TRIL: variants seen among roughly 807,000 people sequenced by gnomAD.
TRIL encodes the protein TLR4 interactor with leucine rich repeats.
Under a neutral mutation model 43.0 loss-of-function variants are expected in TRIL, and 23 were observed. That is an observed-to-expected ratio of 0.54 (90% confidence interval 0.39 to 0.76). The LOEUF is 0.76. Among genes scored for constraint, TRIL ranks in the 30% least tolerant of loss-of-function variants. The pLI, the probability that TRIL is intolerant of heterozygous loss-of-function variation, is 0.00. For missense variants in TRIL, 1,114 were observed against 1,139.3 expected (o/e 0.98, Z 0.32); for synonymous variants, 602 against 556.8 (o/e 1.08, Z -1.14).
At position 28,956,048 on chromosome 7, in the gene TRIL, C is replaced by T. The variant is rs1783395477; in HGVS notation, c.1999G>A (p.Gly667Ser). The change falls in exon 1 of 1, where the codon GGC becomes AGC. Residue 667 changes from glycine to serine, a missense_variant. Gly to Ser is a moderately conservative substitution (Grantham distance 56). Coordinates refer to ENST00000539664, the MANE Select transcript of TRIL (RefSeq NM_014817.4). ...CGGGGAGCCACAGGGCAGACACGGC[C>T]CCCAAGCACGCCCTCCACGCACACC... is the stretch of plus-strand genomic sequence containing the variant. ...YLVCVEGVLG[G>S]RVCPVAPRDH... 1.3e-6 allele frequency: 2 copies of T among 1,550,322 alleles called. No individual in the cohort carries two copies. Among genetic ancestry groups the T allele is most frequent in the East Asian group, 2.4e-5 (1 of 41,408 alleles).
In TRIL at chr7:28,954,645, G is replaced by A. The variant is rs1000458439; in HGVS notation, c.*966C>T. 6 of 152,180 alleles carry A rather than the reference G, an allele frequency of 3.9e-5. No homozygotes were observed. Among genetic ancestry groups the A allele is most frequent in the Admixed American group, 6.5e-5 (1 of 15,286 alleles). The allele number at this position is 152,180 out of a possible 1,614,324, so 9.4% of individuals were successfully genotyped here. A position where few individuals can be genotyped will look rare whatever the true frequency, so the allele number is the denominator to read the frequency against. On this transcript the variant is annotated 3_prime_UTR_variant, in exon 1 of 1. Coordinates refer to ENST00000539664, the MANE Select transcript of TRIL (RefSeq NM_014817.4). Reference sequence around the variant, plus strand: ...CACTGATAAAAACATAAGAAGTAATGCATCACATTTATTCCAATCTAAACA... The same window carrying A: ...CACTGATAAAAACATAAGAAGTAATACATCACATTTATTCCAATCTAAACA...
rs908673432 is a variant in TRIL at position 28,956,148 on chromosome 7, G to A, written c.1899C>T (p.Phe633=). 6.4e-7 allele frequency: 1 copy of A among 1,571,998 alleles called. No individual in the cohort carries two copies. The highest frequency in any genetic ancestry group is 8.6e-7 in the Non-Finnish European group (1 of 1,160,510). ...LFDRFGQQPK[F]HRFVYLPESS... is the part of the protein sequence containing the mutation. ...TCTCAGGCAGGTAGACGAAGCGGTGGAACTTGGGCTGCTGGCCAAAGCGGT... is the reference window on the plus strand; with the variant it reads ...TCTCAGGCAGGTAGACGAAGCGGTGAAACTTGGGCTGCTGGCCAAAGCGGT... Residue 633 remains phenylalanine (F), a synonymous_variant, in exon 1 of 1, where the codon TTC becomes TTT. Coordinates refer to ENST00000539664, the MANE Select transcript of TRIL (RefSeq NM_014817.4).
chr7:28,953,995 G>A lies in TRIL; in HGVS notation c.*1616C>T, dbSNP rs1346129163. ...TCCCTGAGTCACCAGGACCCTCAGG[G>A]GCTTAAGGCCCTAAACAGAAGATTC... On this transcript the variant is annotated 3_prime_UTR_variant, in exon 1 of 1. Transcript: ENST00000539664. 7.9e-5 allele frequency: 12 copies of A among 152,624 alleles called. No individual in the cohort carries two copies. In the East Asian group the frequency reaches 1.7e-3, roughly 22 times the overall value. 9.5% of individuals were successfully genotyped at this position (152,624 alleles called of 1,614,324 possible).
In TRIL at chr7:28,955,241, CA is replaced by C; in HGVS notation, c.*369del. Reference sequence around the variant, plus strand: ...ACTTCTCTGTTTGACACTGAGCAAACAAAAAGCATGCACCCAAATATTTCTG... The same window carrying C: ...ACTTCTCTGTTTGACACTGAGCAAACAAAAGCATGCACCCAAATATTTCTG... On this transcript the variant is annotated 3_prime_UTR_variant, in exon 1 of 1. Coordinates refer to ENST00000539664, the MANE Select transcript of TRIL (RefSeq NM_014817.4). The C allele has an allele frequency of 3.9e-6, 1 of 255,770 alleles. No homozygotes were observed. Among genetic ancestry groups the C allele is most frequent in the Non-Finnish European group, 7.4e-6 (1 of 135,770 alleles). The allele number at this position is 255,770 out of a possible 1,614,324, so 15.8% of individuals were successfully genotyped here. A position where few individuals can be genotyped will look rare whatever the true frequency, so the allele number is the denominator to read the frequency against.
rs1053730692 is a variant in TRIL at position 28,956,206 on chromosome 7, G to A, written c.1841C>T (p.Pro614Leu). The part of the protein sequence containing the change: ...WAVREHRSPR[P>L]LGGARFRLLF... ...CAGGCGGAAGCGCGCGCCGCCCAGC[G>A]GCCGGGGACTGCGGTGCTCGCGCAC... Residue 614 changes from proline (P) to leucine (L), a missense_variant, in exon 1 of 1, where the codon CCG becomes CTG. Physicochemically the swap from Pro to Leu is moderately conservative, Grantham distance 98. Coordinates refer to ENST00000539664, the MANE Select transcript of TRIL (RefSeq NM_014817.4). The A allele has an allele frequency of 5.8e-6, 9 of 1,563,444 alleles. No homozygotes were observed. Among genetic ancestry groups the A allele is most frequent in the African/African-American group, 1.4e-5 (1 of 73,772 alleles).
chr7:28,955,869 C>A lies in TRIL; in HGVS notation c.2178G>T (p.Leu726=). 6.5e-7 allele frequency: 1 copy of A among 1,550,050 alleles called. No homozygotes were observed. Among genetic ancestry groups the A allele is most frequent in the African/African-American group, 1.4e-5 (1 of 73,210 alleles). Residue 726 remains leucine, a synonymous_variant, in exon 1 of 1, where the codon CTG becomes CTT. Coordinates refer to ENST00000539664, the MANE Select transcript of TRIL (RefSeq NM_014817.4). ...GGGCCCCGCCCTTCCGCCTAGCCCG[C>A]AGTTTCCTACGCAGCCAGCGAGACG... is the stretch of plus-strand genomic sequence containing the variant. ...AWASRWLRRK[L]RARRKGGAPV...
Position 28,956,140 on chromosome 7 carries a change from A to G in TRIL, c.1907T>C (p.Phe636Ser). The change falls in exon 1 of 1, where the codon TTC (phenylalanine) becomes TCC (serine). Residue 636 changes from phenylalanine to serine, a missense_variant. By Grantham distance (155) the Phe-to-Ser change is radical. Coordinates refer to ENST00000539664, the MANE Select transcript of TRIL (RefSeq NM_014817.4). ...RFGQQPKFHR[F>S]VYLPESSDSA... ...GTCGCTGCTCTCAGGCAGGTAGACG[A>G]AGCGGTGGAACTTGGGCTGCTGGCC... The G allele has an allele frequency of 1.9e-6, 3 of 1,569,350 alleles. No homozygotes were observed. The highest frequency in any genetic ancestry group is 2.6e-6 in the Non-Finnish European group (3 of 1,159,066).
In TRIL at chr7:28,955,866, C is replaced by T. The variant is rs370147099; in HGVS notation, c.2181G>A (p.Arg727=). 4.7e-4 allele frequency: 724 copies of T among 1,550,004 alleles called. 1 individual carries two copies. In the African/African-American group the frequency reaches 9.1e-3, roughly 19 times the overall value. The change falls in exon 1 of 1, where the codon CGG becomes CGA. Residue 727 remains arginine, a synonymous_variant. Coordinates refer to ENST00000539664, the MANE Select transcript of TRIL (RefSeq NM_014817.4). ...CCGGGGCCCCGCCCTTCCGCCTAGC[C>T]CGCAGTTTCCTACGCAGCCAGCGAG... The part of the protein sequence containing the change: ...WASRWLRRKL[R]ARRKGGAPVH...
rs1783379637 is a variant in TRIL, at chr7:28,955,271, A to T, written c.*340T>A. On this transcript the variant is annotated 3_prime_UTR_variant, in exon 1 of 1. Transcript: ENST00000539664. ...AGCATGCACCCAAATATTTCTGGCC[A>T]TGTTGGGGGCACAAGCACCCCCTTT... 1 of 324,714 alleles carries T rather than the reference A, an allele frequency of 3.1e-6. No homozygotes were observed. The highest frequency in any genetic ancestry group is 5.0e-5 in the East Asian group (1 of 20,036). 20.1% of individuals were successfully genotyped at this position (324,714 alleles called of 1,614,324 possible). A position where few individuals can be genotyped will look rare whatever the true frequency, so the allele number is the denominator to read the frequency against.
At position 28,957,697 on chromosome 7, in the gene TRIL, T is replaced by C. The variant is rs1783429384; in HGVS notation, c.350A>G (p.Asn117Ser). The C allele has an allele frequency of 1.9e-6, 3 of 1,610,446 alleles. No homozygotes were observed. Among genetic ancestry groups the C allele is most frequent in the East Asian group, 4.5e-5 (2 of 44,750 alleles). ...GCCCGGGGCGAGCGCCTGCAAGAGG[T>C]TGTTCCCCAGGTACAGCTCTTCCAG... Reference protein sequence around the residue: ...SRLEELYLGNNLLQALAPGTL... With the variant: ...SRLEELYLGNSLLQALAPGTL... Residue 117 changes from asparagine to serine, a missense_variant, in exon 1 of 1, where the codon AAC becomes AGC. Asn to Ser is a conservative substitution (Grantham distance 46). Coordinates refer to ENST00000539664, the MANE Select transcript of TRIL (RefSeq NM_014817.4).
At position 28,957,758 on chromosome 7, in the gene TRIL, A is replaced by T. The variant is rs752194680; in HGVS notation, c.289T>A (p.Ser97Thr). 6.2e-7 allele frequency: 1 copy of T among 1,613,832 alleles called. No individual in the cohort carries two copies. The highest frequency in any genetic ancestry group is 1.7e-5 in the Admixed American group (1 of 60,014). The change falls in exon 1 of 1, where the codon TCT becomes ACT. Residue 97 changes from serine (S) to threonine (T), a missense_variant. Transcript: ENST00000539664. Reference protein sequence around the residue: ...RLDLQYNQIRSLHPKTFEKLS... With the variant: ...RLDLQYNQIRTLHPKTFEKLS... ...TTCTCGAAGGTCTTGGGGTGCAGAG[A>T]GCGGATCTGGTTGTACTGCAGGTCC...
At position 28,957,725 on chromosome 7, in the gene TRIL, G is replaced by A. The variant is rs761956799; in HGVS notation, c.322C>T (p.Arg108Trp). Residue 108 changes from arginine (R) to tryptophan (W), a missense_variant, in exon 1 of 1, where the codon CGG becomes TGG. By Grantham distance (101) the Arg-to-Trp change is moderately radical. Transcript: ENST00000539664. ...LHPKTFEKLS[R>W]LEELYLGNNL... ...TTCCCCAGGTACAGCTCTTCCAGCC[G>A]CGAGAGCTTCTCGAAGGTCTTGGGG... 5.6e-6 allele frequency: 9 copies of A among 1,612,882 alleles called. No individual in the cohort carries two copies. The African/African-American group carries it at 1.2e-4, about 22-fold the overall frequency.
In TRIL at chr7:28,955,797, G is replaced by A; in HGVS notation, c.2250C>T (p.Ser750=). 1 of 1,550,094 alleles carries A rather than the reference G, an allele frequency of 6.5e-7. No homozygotes were observed. Residue 750 remains serine, a synonymous_variant, in exon 1 of 1, where the codon TCC becomes TCT. Transcript: ENST00000539664. ...AGTCGGCGGACACGCCGGTGCCCAT[G>A]GAGCGCAGGGGCCGTCGGGTGGAGT... ...HMYSTRRPLR[S]MGTGVSADFS... is the part of the protein sequence containing the mutation.
chr7:28,956,068 C>T lies in TRIL; in HGVS notation c.1979G>A (p.Cys660Tyr). ...ACGGCCCCCAAGCACGCCCTCCACG[C>T]ACACCAGGTAGGGGGTGTCCCCGCG... is the stretch of plus-strand genomic sequence containing the variant. ...ELRGDTPYLVCVEGVLGGRVC... is the reference protein window; with the variant it reads ...ELRGDTPYLVYVEGVLGGRVC... The change falls in exon 1 of 1, where the codon TGC becomes TAC. Residue 660 changes from cysteine to tyrosine, a missense_variant. Physicochemically the swap from Cys to Tyr is radical, Grantham distance 194. Transcript: ENST00000539664. The T allele has an allele frequency of 6.4e-7, 1 of 1,552,480 alleles. No homozygotes were observed. Among genetic ancestry groups the T allele is most frequent in the Non-Finnish European group, 8.7e-7 (1 of 1,152,050 alleles).
chr7:28,955,933 A>G lies in TRIL; in HGVS notation c.2114T>C (p.Val705Ala), dbSNP rs1562702671. 6.4e-7 allele frequency: 1 copy of G among 1,553,376 alleles called. No individual in the cohort carries two copies. Among genetic ancestry groups the G allele is most frequent in the Non-Finnish European group, 8.7e-7 (1 of 1,151,240 alleles). ...YQLLTLALLT[V>A]NALLVLLALA... ...GGCCAGGAGCACCAGCAGCGCGTTGACCGTCAGCAGGGCCAAGGTCAGCAG... is the reference window on the plus strand; with the variant it reads ...GGCCAGGAGCACCAGCAGCGCGTTGGCCGTCAGCAGGGCCAAGGTCAGCAG... Residue 705 changes from valine to alanine, a missense_variant, in exon 1 of 1, where the codon GTC (valine) becomes GCC (alanine). Transcript: ENST00000539664.
In TRIL at chr7:28,957,207, G is replaced by C. The variant is rs1040459513; in HGVS notation, c.840C>G (p.Arg280=). The C allele has an allele frequency of 8.7e-6, 14 of 1,602,572 alleles. No individual in the cohort carries two copies. Among genetic ancestry groups the C allele is most frequent in the East Asian group, 2.2e-5 (1 of 44,724 alleles). The change falls in exon 1 of 1, where the codon CGC becomes CGG. Residue 280 remains arginine (R), a synonymous_variant. Transcript: ENST00000539664. ...GCCGATTACCCTCCAGGCGCAGCTC[G>C]CGCAGGGCCTCCAAGCCCCAAAAGG... is the stretch of plus-strand genomic sequence containing the variant. ...PEAFWGLEAL[R]ELRLEGNRLS...
chr7:28,957,375 G>A lies in TRIL; in HGVS notation c.672C>T (p.Thr224=). 1 of 1,613,406 alleles carries A rather than the reference G, an allele frequency of 6.2e-7. No individual in the cohort carries two copies. Among genetic ancestry groups the A allele is most frequent in the Non-Finnish European group, 8.5e-7 (1 of 1,179,850 alleles). The part of the protein sequence containing the change: ...ELQPSLRHAA[T]FAPLRSLSSL... ...AGGAGAGGGAGCGCAGCGGTGCGAAGGTGGCCGCGTGGCGCAGGGAGGGCT... is the reference window on the plus strand; with the variant it reads ...AGGAGAGGGAGCGCAGCGGTGCGAAAGTGGCCGCGTGGCGCAGGGAGGGCT... The change falls in exon 1 of 1, where the codon ACC becomes ACT. Residue 224 remains threonine (T), a synonymous_variant. Transcript: ENST00000539664.
chr7:28,958,257 C>T lies in TRIL; in HGVS notation c.-211G>A, dbSNP rs1783442430. ...CGGCCAAGTCAGGCGGCGCGGGGCG[C>T]TCTGCAGACCCCGGGTACTACTTGT... On this transcript the variant is annotated 5_prime_UTR_variant, in exon 1 of 1. Transcript: ENST00000539664. The T allele has an allele frequency of 3.4e-6, 2 of 587,770 alleles. No individual in the cohort carries two copies. Among genetic ancestry groups the T allele is most frequent in the South Asian group, 2.9e-5 (1 of 34,708 alleles). The allele number at this position is 587,770 out of a possible 1,614,324, so 36.4% of individuals were successfully genotyped here.
chr7:28,957,753 C>T lies in TRIL; in HGVS notation c.294G>A (p.Leu98=), dbSNP rs1282800720. 1 of 1,613,880 alleles carries T rather than the reference C, an allele frequency of 6.2e-7. No individual in the cohort carries two copies. Among genetic ancestry groups the T allele is most frequent in the Admixed American group, 1.7e-5 (1 of 60,018 alleles). ...AGAGCTTCTCGAAGGTCTTGGGGTG[C>T]AGAGAGCGGATCTGGTTGTACTGCA... ...LDLQYNQIRS[L]HPKTFEKLSR... Residue 98 remains leucine, a synonymous_variant, in exon 1 of 1, where the codon CTG becomes CTA. Transcript: ENST00000539664.
Sources: allele counts gnomAD v4.1 joint callset, GRCh38; gene constraint gnomAD v4.1.1; transcripts MANE v1.5; gene names NCBI Gene and HGNC (gene_info 2026-07-23, HGNC 2026-07-21).